DEPDC4: variants seen among roughly 807,000 people sequenced by gnomAD.
DEPDC4 encodes DEP domain-containing protein 4.
A neutral mutation model predicts 52.0 loss-of-function variants in DEPDC4; 52 were observed. The ratio of observed to expected loss-of-function variants is 1.00; its 90% confidence interval spans 0.80 to 1.26. The LOEUF (loss-of-function observed/expected upper bound fraction) is 1.26. Ranked by LOEUF, DEPDC4 falls within the 50% of genes most tolerant of loss-of-function variation. The pLI is 0.00. For missense variants in DEPDC4, 530 were observed against 546.9 expected (o/e 0.97, Z 0.31); for synonymous variants, 201 against 196.8 (o/e 1.02, Z -0.18).
At chr12:100,270,278 C>T (rs1313157517), upstream of DEPDC4, among the ~76,000 whole-genome samples, 2 of 152,046 alleles carry the variant, frequency 1.3e-5, no homozygotes, top group Non-Finnish European at 2.9e-5. Flanking sequence ...TGAGCCACCG[C>T]GCCTGGCCGA....
At chr12:100,260,688 C>T (rs562106604) in intron 3 of DEPDC4, among the ~76,000 whole-genome samples, 1 of 149,160 alleles carries the variant, frequency 6.7e-6, no homozygotes, top group South Asian at 2.2e-4. Context: ...CCAGCTTGGC[C>T]AATATGGCAA....
At position 100,252,514 on chromosome 12, in the gene DEPDC4, T is replaced by C. The variant is rs768395598; in HGVS notation, c.1128A>G (p.Ala376=). Residue 376 remains alanine (A), a synonymous_variant, in exon 6 of 10, where the codon GCA becomes GCG. Transcript: ENST00000550587. The part of the protein sequence containing the change: ...ELLENEKRAE[A]LEATQLYLRL... Reference sequence around the variant, plus strand: ...TTAGATATAGTTGTGTTGCTTCAAGTGCTTCTGCTCTTTTCTCATTTTCTG... The same window carrying C: ...TTAGATATAGTTGTGTTGCTTCAAGCGCTTCTGCTCTTTTCTCATTTTCTG... 1 of 1,605,956 alleles carries C rather than the reference T, an allele frequency of 6.2e-7. No individual in the cohort carries two copies. Among genetic ancestry groups the C allele is most frequent in the Non-Finnish European group, 8.5e-7 (1 of 1,178,302 alleles).
intron 4 of DEPDC4, 117 bp downstream of exon 4, chr12:100,255,932 A>G: frequency 1.5e-6 from 1 of 675,722 alleles, no homozygotes. Flanking sequence ...GATAATTTAT[A>G]AAAGAGAGAT....
intron 4 of DEPDC4, among the ~76,000 whole-genome samples, chr12:100,255,573 C>T (rs1005166459): frequency 1.3e-5 from 2 of 152,114 alleles, no homozygotes; most frequent in Non-Finnish European, 2.9e-5. Context: ...AATAGCTTGG[C>T]GTTGGGAGTA....
At chr12:100,251,108 AT>A (rs1406682911) in intron 7 of DEPDC4, among the ~76,000 whole-genome samples, 9 of 152,228 alleles carry the variant, frequency 5.9e-5, no homozygotes, top group African/African-American at 2.2e-4. Flanking sequence ...TGAGACAAAA[AT>A]TTTTTTAAAA....
chr12:100,231,857 G>A (rs1156869270), intron 9 of DEPDC4, among the ~76,000 whole-genome samples: 1 of 151,674 alleles, frequency 6.6e-6, no homozygotes, highest in Non-Finnish European at 1.5e-5. Flanking sequence ...AGGCGGGAGA[G>A]TCGCTTGAAC....
rs543577636 is a variant in DEPDC4, at chr12:100,259,081, A to AAAAAAATAT, written c.701-2856_701-2855insATATTTTTT. 4.9e-3 allele frequency among the ~76,000 whole-genome samples: 726 copies of AAAAAAATAT among 149,136 alleles called. 4 individuals are homozygous for AAAAAAATAT. Among genetic ancestry groups the AAAAAAATAT allele is most frequent in the African/African-American group, 0.017 (681 of 39,866 alleles). ...GCAAAAATCTGTCTCAAAAAAAAAAAATATATATATATATCCCATGTACCC... is the reference window on the plus strand; with the variant it reads ...GCAAAAATCTGTCTCAAAAAAAAAAAAAAAAATATATATATATATATATCCCATGTACCC... On this transcript the variant is annotated intron_variant, in intron 3 of 9. Coordinates refer to ENST00000550587, the MANE Select transcript of DEPDC4 (RefSeq NM_001364818.2).
At chr12:100,250,694 G>A (rs2153908827) in intron 7 of DEPDC4, among the ~76,000 whole-genome samples, 1 of 152,306 alleles carries the variant, frequency 6.6e-6, no homozygotes, top group African/African-American at 2.4e-5. Context: ...GAGTAGTACA[G>A]AAGAGGAGAG....
intron 3 of DEPDC4, among the ~76,000 whole-genome samples, chr12:100,258,712 C>A (rs1314288144): frequency 6.9e-6 from 1 of 145,328 alleles, no homozygotes; most frequent in African/African-American, 2.8e-5. Flanking sequence ...GAAATTATTT[C>A]CACCTAGAAT....
chr12:100,239,775 C>T (rs1007165208), downstream of DEPDC4, among the ~76,000 whole-genome samples: 3 of 152,060 alleles, frequency 2.0e-5, no homozygotes, highest in African/African-American at 7.2e-5. Context: ...GGCACAGTGG[C>T]TCACAACTGT....
rs2096264412 is a variant in DEPDC4, at chr12:100,264,340, G to T, written c.158-447C>A. On this transcript the variant is annotated intron_variant, in intron 1 of 9. Transcript: ENST00000550587. ...TCTTCATTAGGGAGATCAAGGCAAA[G>T]AACTAAATAATCAATTTTTTTAATT... Among the ~76,000 whole-genome samples, 3 of 152,084 alleles carry T rather than the reference G, an allele frequency of 2.0e-5. No homozygotes were observed. In the South Asian group the frequency reaches 6.2e-4, roughly 31 times the overall value.
chr12:100,281,833 C>CAA, the DEPDC4 span, among the ~76,000 whole-genome samples: 1 of 59,334 alleles, frequency 1.7e-5, no homozygotes, highest in African/African-American at 6.3e-5. Context: ...GACTCCGTCT[C>CAA]AAAAAAAAAA....
At chr12:100,256,742 C>T (rs2096234944) in intron 3 of DEPDC4, among the ~76,000 whole-genome samples, 3 of 151,368 alleles carry the variant, frequency 2.0e-5, no homozygotes, top group South Asian at 2.1e-4. Flanking sequence ...CCCAGGTTCA[C>T]GCCATTCTCC....
At position 100,256,171 on chromosome 12, in the gene DEPDC4, G is replaced by C. The variant is rs2096231653; in HGVS notation, c.756C>G (p.Phe252Leu). Residue 252 changes from phenylalanine (F) to leucine (L), a missense_variant, in exon 4 of 10, where the codon TTC (phenylalanine) becomes TTG (leucine). Coordinates refer to ENST00000550587, the MANE Select transcript of DEPDC4 (RefSeq NM_001364818.2). ...CTGGAGGCTCCAAAATATTGTCCAA[G>C]AATGGAAGGTGAATCAATTGAAGAA... ...LCLLQLIHLP[F>L]LDNILEPPVK... 6.2e-7 allele frequency: 1 copy of C among 1,612,920 alleles called. No individual in the cohort carries two copies. The highest frequency in any genetic ancestry group is 8.5e-7 in the Non-Finnish European group (1 of 1,179,348).
chr12:100,259,165 G>T (rs78058203), intron 3 of DEPDC4, among the ~76,000 whole-genome samples: 6,042 of 150,620 alleles, frequency 0.04, 334 homozygotes, highest in African/African-American at 0.13. Context: ...ACAAGAAAAG[G>T]CACAGAAGGC....
intron 7 of DEPDC4, among the ~76,000 whole-genome samples, chr12:100,251,571 C>T (rs1204209389): frequency 6.6e-6 from 1 of 150,598 alleles, no homozygotes; most frequent in African/African-American, 2.4e-5. Context: ...CCACCCCTGG[C>T]ATTTTTTTTT....
upstream of DEPDC4, among the ~76,000 whole-genome samples, chr12:100,270,922 T>G (rs2096286943): frequency 6.6e-6 from 1 of 152,046 alleles, no homozygotes; most frequent in South Asian, 2.1e-4. Flanking sequence ...TGTACTAACT[T>G]GGCTGTACAT....
At chr12:100,267,407 G>C (rs908740604), upstream of DEPDC4, 10 of 214,958 alleles carry the variant, frequency 4.7e-5, no homozygotes, top group Admixed American at 1.8e-4. Flanking sequence ...GTAAGTGACC[G>C]GCCGCCGGCA....
rs924852276 is a variant in DEPDC4 at position 100,241,245 on chromosome 12, G to A, written c.*647C>T. 6.6e-6 allele frequency among the ~76,000 whole-genome samples: 1 copy of A among 152,072 alleles called. No homozygotes were observed. The highest frequency in any genetic ancestry group is 1.5e-5 in the Non-Finnish European group (1 of 68,026). On this transcript the variant is annotated 3_prime_UTR_variant, in exon 10 of 10. Transcript: ENST00000550587. ...CTGTGGAAAAAAAAGGAAATTAACT[G>A]TACTAGATCCCTAATAATAGCAGCA... is the stretch of plus-strand genomic sequence containing the variant.
Sources: gnomAD v4.1 joint callset for allele counts (sites outside exome capture counted in the v4.1 genomes callset) on GRCh38, gnomAD v4.1.1 for gene constraint, MANE v1.5 for transcripts, NCBI Gene and HGNC (gene_info 2026-07-23, HGNC 2026-07-21) for gene names.